DDX60L: variants seen among roughly 807,000 people sequenced by gnomAD.
DDX60L encodes the protein DExD/H-box 60 like, also known as probable ATP-dependent RNA helicase DDX60-like.
DDX60L carries 191 observed loss-of-function variants against 211.6 expected under a neutral mutation model. That is an observed-to-expected ratio of 0.90 (90% CI 0.80 to 1.02). The LOEUF is 1.02. DDX60L is among the 50% of genes least tolerant of loss of function. DDX60L has a pLI of 0.00. For missense variants in DDX60L, 2,007 were observed against 1,984.1 expected, an observed-to-expected ratio of 1.01 and a Z score of -0.22; for synonymous variants, 706 against 694.1, an observed-to-expected ratio of 1.02 and a Z score of -0.27.
intron 19 of DDX60L, among the ~76,000 whole-genome samples, chr4:168,417,715 G>GCACAGTGTCTA (rs1749803144): frequency 1.3e-5 from 2 of 152,118 alleles, no homozygotes; most frequent in South Asian, 4.1e-4. Context: ...GCACAGAGTA[G>GCACAGTGTCTA]GTACTCAATT....
chr4:168,420,448 C>T (rs575905582), intron 17 of DDX60L, 68 bp from the exon 18 acceptor site: 113 of 1,260,238 alleles, frequency 9.0e-5, no homozygotes, highest in Admixed American at 2.1e-4. Flanking sequence ...TTGAGGACAA[C>T]CGAATCCATA....
At chr4:168,445,108 T>C (rs1188049477) in intron 9 of DDX60L, among the ~76,000 whole-genome samples, 1 of 127,656 alleles carries the variant, frequency 7.8e-6, no homozygotes. Context: ...TTTGAAAGGA[T>C]CAACAAAATT....
Position 168,416,800 on chromosome 4 carries a change from A to G in DDX60L, c.2611-3T>C, listed in dbSNP as rs1173701945. ...ACTTCTCTGCCAAGATAATGGACCT[A>G]GTAAAGAAAAAAAAATCAGTTGAAA... On this transcript the variant is annotated splice_region_variant and splice_polypyrimidine_tract_variant and intron_variant, in intron 19 of 37. Coordinates refer to ENST00000682922, the MANE Select transcript of DDX60L (RefSeq NM_001012967.3). 6.7e-7 allele frequency: 1 copy of G among 1,500,822 alleles called. No individual in the cohort carries two copies. The highest frequency in any genetic ancestry group is 1.4e-5 in the African/African-American group (1 of 70,106). 93.0% of individuals were successfully genotyped at this position (1,500,822 alleles called of 1,614,324 possible).
intron 26 of DDX60L, among the ~76,000 whole-genome samples, chr4:168,396,865 A>G (rs113114501): frequency 6.6e-6 from 1 of 152,256 alleles, no homozygotes; most frequent in African/African-American, 2.4e-5. Flanking sequence ...GCAACGTCTG[A>G]ATTAGAAGGG....
chr4:168,394,377 C>A, intron 28 of DDX60L, 88 bp downstream of exon 28: 2 of 1,070,624 alleles, frequency 1.9e-6, no homozygotes, highest in Non-Finnish European at 2.6e-6. Context: ...GATGAGAAAA[C>A]CAACTGGTAT....
intron 4 of DDX60L, among the ~76,000 whole-genome samples, chr4:168,467,418 T>A (rs67055895): frequency 0.39 from 41,328 of 106,674 alleles, 6,311 homozygotes; most frequent in African/African-American, 0.47. Context: ...TTTCAAATTT[T>A]AAAAAAAGAA....
chr4:168,390,642 T>A (rs1744639865), intron 29 of DDX60L: 1 of 617,184 alleles, frequency 1.6e-6, no homozygotes, highest in African/African-American at 1.9e-5. Flanking sequence ...ATTGTCAGTT[T>A]TTTTTTTAGC....
At chr4:168,456,416 CT>C (rs1298712663) in intron 6 of DDX60L, among the ~76,000 whole-genome samples, 2 of 151,848 alleles carry the variant, frequency 1.3e-5, no homozygotes, top group East Asian at 1.9e-4. Context: ...AAAACATGAA[CT>C]GATTCACAAA....
At position 168,453,176 on chromosome 4, in the gene DDX60L, G is replaced by C; in HGVS notation, c.944C>G (p.Ser315Cys). ...AATCCAAGAGCATGTGATGACTCGA[G>C]AACAAGCTCTCTGAGAAAGGGGTAA... is the stretch of plus-strand genomic sequence containing the variant. ...LHLPLSQRAC[S>C]RVITCSWIRN... is the part of the protein sequence containing the mutation. Residue 315 changes from serine (S) to cysteine (C), a missense_variant, in exon 8 of 38, where the codon TCT becomes TGT. Transcript: ENST00000682922. 1.2e-6 allele frequency: 2 copies of C among 1,613,340 alleles called. No homozygotes were observed. Among genetic ancestry groups the C allele is most frequent in the Non-Finnish European group, 1.7e-6 (2 of 1,179,544 alleles).
intron 12 of DDX60L, among the ~76,000 whole-genome samples, chr4:168,432,159 T>C (rs1752446578): frequency 6.6e-6 from 1 of 151,812 alleles, no homozygotes; most frequent in Non-Finnish European, 1.5e-5. Flanking sequence ...CATACGTACA[T>C]ATGCACACCA....
chr4:168,476,982 G>T lies in DDX60L; in HGVS notation c.-111+3395C>A, dbSNP rs560170233. Among the ~76,000 whole-genome samples, 3 of 152,288 alleles carry T rather than the reference G, an allele frequency of 2.0e-5. No individual in the cohort carries two copies. In the East Asian group the frequency reaches 5.8e-4, roughly 29 times the overall value. ...AACTGGGTCCCTGAATCACTATTGG[G>T]CCGACTGGCCAGGAAAATCTGCTTT... On this transcript the variant is annotated intron_variant, in intron 1 of 37. Transcript: ENST00000682922.
intron 4 of DDX60L, among the ~76,000 whole-genome samples, chr4:168,462,250 C>G (rs2150103888): frequency 6.6e-6 from 1 of 152,016 alleles, no homozygotes; most frequent in Admixed American, 6.5e-5. Context: ...TTTGAGCAGG[C>G]ATACACTACC....
chr4:168,394,162 C>A (rs577003803), intron 28 of DDX60L, among the ~76,000 whole-genome samples: 1 of 151,250 alleles, frequency 6.6e-6, no homozygotes, highest in African/African-American at 2.4e-5. Context: ...CGCCACTGCA[C>A]TCCAGCCTGG....
At chr4:168,377,435 T>C (rs1376550876) in intron 33 of DDX60L, among the ~76,000 whole-genome samples, 1 of 152,166 alleles carries the variant, frequency 6.6e-6, no homozygotes, top group Non-Finnish European at 1.5e-5. Context: ...AAGTTTATAA[T>C]CTCTTTTTGT....
At chr4:168,462,589 G>A (rs1039771810) in intron 4 of DDX60L, among the ~76,000 whole-genome samples, 1 of 152,188 alleles carries the variant, frequency 6.6e-6, no homozygotes, top group Non-Finnish European at 1.5e-5. Context: ...GAGGTGGGTG[G>A]ATCATTTGAG....
intron 9 of DDX60L, among the ~76,000 whole-genome samples, chr4:168,446,632 A>G (rs1167146391): frequency 1.3e-5 from 2 of 151,832 alleles, no homozygotes; most frequent in African/African-American, 4.8e-5. Flanking sequence ...TTCAAACTAT[A>G]CTACAAGGCT....
intron 25 of DDX60L, among the ~76,000 whole-genome samples, chr4:168,401,818 T>C (rs1746863514): frequency 6.6e-6 from 1 of 152,190 alleles, no homozygotes; most frequent in African/African-American, 2.4e-5. Context: ...ATTAAATTAA[T>C]ACACTGAAGA....
intron 22 of DDX60L, among the ~76,000 whole-genome samples, chr4:168,412,112 G>A (rs559048419): frequency 4.2e-4 from 64 of 151,954 alleles, no homozygotes; most frequent in Non-Finnish European, 8.7e-4. Flanking sequence ...TGTGCCTGGG[G>A]TGATACTCTG....
intron 15 of DDX60L, 151 bp downstream of exon 15, chr4:168,423,457 A>T: frequency 1.8e-5 from 6 of 332,404 alleles, no homozygotes; most frequent in Non-Finnish European, 3.2e-5. Flanking sequence ...TTAATAAGTA[A>T]TCTCATATCT....
Sources: gnomAD v4.1 joint callset for allele counts (sites outside exome capture counted in the v4.1 genomes callset) on GRCh38, gnomAD v4.1.1 for gene constraint, MANE v1.5 for transcripts, NCBI Gene and HGNC (gene_info 2026-07-23, HGNC 2026-07-21) for gene names.